The following SLC25A40 variants were observed in gnomAD, a reference collection of about 807,000 sequenced individuals.
The protein encoded by SLC25A40 is mitochondrial glutathione transporter SLC25A40.
Under a neutral mutation model 46.5 loss-of-function variants are expected in SLC25A40, and 41 were observed. The observed-to-expected ratio is 0.88, with a 90% confidence interval of 0.69 to 1.14. SLC25A40 has a LOEUF of 1.14. Ranked by LOEUF, SLC25A40 falls within the 50% of genes most tolerant of loss-of-function variation. SLC25A40 has a pLI of 0.00. For synonymous variants in SLC25A40, 126 were observed against 127.5 expected, an observed-to-expected ratio of 0.99 and a Z score of 0.08; for missense variants, 386 against 393.6, an observed-to-expected ratio of 0.98 and a Z score of 0.16.
chr7:87,871,596 C>T (rs939405076), intron 1 of SLC25A40, among the ~76,000 whole-genome samples: 11 of 152,292 alleles, frequency 7.2e-5, no homozygotes, highest in Middle Eastern at 6.8e-3. Context: ...ATGATACATA[C>T]GGTTTTTCCT....
At chr7:87,872,774 C>T (rs1838913995) in intron 1 of SLC25A40, among the ~76,000 whole-genome samples, 1 of 152,100 alleles carries the variant, frequency 6.6e-6, no homozygotes, top group Admixed American at 6.5e-5. Context: ...CCAGCCTGGC[C>T]AACACAGTGA....
At chr7:87,847,479 G>A (rs557789977) in intron 7 of SLC25A40, among the ~76,000 whole-genome samples, 2 of 152,186 alleles carry the variant, frequency 1.3e-5, no homozygotes, top group African/African-American at 4.8e-5. Flanking sequence ...CTTCTGTATA[G>A]AGTCAACGTT....
chr7:87,867,147 A>G (rs1245817968), intron 1 of SLC25A40, among the ~76,000 whole-genome samples: 1 of 152,238 alleles, frequency 6.6e-6, no homozygotes, highest in Non-Finnish European at 1.5e-5. Context: ...CTGGATAGTT[A>G]TATCTTTCTC....
chr7:87,868,377 T>G (rs898413135), intron 1 of SLC25A40, among the ~76,000 whole-genome samples: 2 of 152,176 alleles, frequency 1.3e-5, no homozygotes, highest in Non-Finnish European at 2.9e-5. Flanking sequence ...CCTACCTATA[T>G]GCAGTGGACC....
intron 10 of SLC25A40, among the ~76,000 whole-genome samples, chr7:87,837,515 G>T (rs930832153): frequency 3.3e-5 from 5 of 150,782 alleles, no homozygotes; most frequent in Admixed American, 6.6e-5. Flanking sequence ...ATAACATCTC[G>T]CTTATTTGCA....
chr7:87,834,605 A>AAAT lies in SLC25A40; in HGVS notation c.*1641_*1643dup, dbSNP rs1292299091. On this transcript the variant is annotated 3_prime_UTR_variant, in exon 12 of 12. Coordinates refer to ENST00000341119, the MANE Select transcript of SLC25A40 (RefSeq NM_018843.4). ...CATACTTATAGGTGATATTAAACTG[A>AAAT]AATATATAACTGCCTTTTGGGAACA... is the stretch of plus-strand genomic sequence containing the variant. 6.6e-6 allele frequency: 1 copy of AAAT among 151,622 alleles called. No homozygotes were observed. The highest frequency in any genetic ancestry group is 6.6e-5 in the Admixed American group (1 of 15,152). 9.4% of individuals were successfully genotyped at this position (151,622 alleles called of 1,614,324 possible). A position where few individuals can be genotyped will look rare whatever the true frequency, so the allele number is the denominator to read the frequency against.
At chr7:87,867,745 C>A (rs769702946) in intron 1 of SLC25A40, among the ~76,000 whole-genome samples, 1 of 152,186 alleles carries the variant, frequency 6.6e-6, no homozygotes, top group Admixed American at 6.5e-5. Flanking sequence ...CTTAGACACT[C>A]TTTGTAATTT....
intron 6 of SLC25A40, 38 bp from the exon 7 acceptor site, chr7:87,848,015 A>G: frequency 6.3e-7 from 1 of 1,582,460 alleles, no homozygotes; most frequent in Non-Finnish European, 8.5e-7. Flanking sequence ...CAAAATTATC[A>G]AAAGATCCCA....
chr7:87,848,957 A>G (rs1403233975), intron 6 of SLC25A40, among the ~76,000 whole-genome samples: 1 of 152,218 alleles, frequency 6.6e-6, no homozygotes, highest in Non-Finnish European at 1.5e-5. Flanking sequence ...AATTTCCTCC[A>G]TTAAAAGTAT....
chr7:87,836,675 A>C, intron 11 of SLC25A40, 55 bp downstream of exon 11: 1 of 1,172,236 alleles, frequency 8.5e-7, no homozygotes, highest in Admixed American at 2.4e-5. Flanking sequence ...TTTAGAAGGT[A>C]ATATTTTAAA....
chr7:87,851,349 G>A (rs1054872727), intron 5 of SLC25A40, among the ~76,000 whole-genome samples: 6 of 152,034 alleles, frequency 3.9e-5, no homozygotes, highest in African/African-American at 1.4e-4. Context: ...TCCCAGCTAC[G>A]GGAACCCTAG....
intron 1 of SLC25A40, among the ~76,000 whole-genome samples, chr7:87,861,530 C>A (rs1469457760): frequency 6.6e-6 from 1 of 152,052 alleles, no homozygotes; most frequent in Non-Finnish European, 1.5e-5. Flanking sequence ...CCTATGTAAA[C>A]ATATACCATA....
At chr7:87,847,190 TA>T (rs1584325996) in intron 7 of SLC25A40, 68 bp from the exon 8 acceptor site, 2 of 1,124,570 alleles carry the variant, frequency 1.8e-6, no homozygotes, top group Admixed American at 2.9e-5. Flanking sequence ...ACATATACTG[TA>T]AAAATTAATA....
Position 87,841,651 on chromosome 7 carries a change from T to C in SLC25A40, c.805A>G (p.Thr269Ala). ...VKTQKQTQLW[T>A]YESHKISMPL... The stretch of plus-strand genomic sequence containing the variant: ...AACTTACTTTTATGACTTTCATATG[T>C]CCAAAGTTGTGTCTGCTTTTGTGTT... Residue 269 changes from threonine to alanine, a missense_variant, in exon 10 of 12, where the codon ACA (threonine) becomes GCA (alanine). Coordinates refer to ENST00000341119, the MANE Select transcript of SLC25A40 (RefSeq NM_018843.4). 6.6e-7 allele frequency: 1 copy of C among 1,519,776 alleles called. No homozygotes were observed. Among genetic ancestry groups the C allele is most frequent in the Non-Finnish European group, 8.8e-7 (1 of 1,132,576 alleles). The allele number at this position is 1,519,776 out of a possible 1,614,324, so 94.1% of individuals were successfully genotyped here.
intron 3 of SLC25A40, among the ~76,000 whole-genome samples, chr7:87,857,455 G>A (rs867332925): frequency 6.6e-6 from 1 of 152,150 alleles, no homozygotes; most frequent in African/African-American, 2.4e-5. Context: ...TTGAATCTCT[G>A]TCCAGGGTTG....
chr7:87,873,890 T>C (rs1377816990), intron 1 of SLC25A40, among the ~76,000 whole-genome samples: 2 of 152,194 alleles, frequency 1.3e-5, no homozygotes, highest in Non-Finnish European at 2.9e-5. Flanking sequence ...TTGAACAAAG[T>C]TTCTCACCAT....
At chr7:87,871,128 T>A (rs1477600456) in intron 1 of SLC25A40, among the ~76,000 whole-genome samples, 1 of 152,096 alleles carries the variant, frequency 6.6e-6, no homozygotes, top group African/African-American at 2.4e-5. Flanking sequence ...CTCCCCATCA[T>A]GTGAGGGGTG....
intron 6 of SLC25A40, among the ~76,000 whole-genome samples, chr7:87,848,624 T>C (rs553598928): frequency 5.6e-4 from 85 of 152,292 alleles, no homozygotes; most frequent in African/African-American, 2.0e-3. Flanking sequence ...TAAATTATAA[T>C]TAACATCATC....
At chr7:87,855,099 C>G (rs1178323162) in intron 4 of SLC25A40, among the ~76,000 whole-genome samples, 2 of 148,698 alleles carry the variant, frequency 1.3e-5, no homozygotes, top group Non-Finnish European at 3.0e-5. Context: ...GAGGTCAAGG[C>G]TGCAGTGAGC....
Sources: gnomAD v4.1 joint callset for allele counts (sites outside exome capture counted in the v4.1 genomes callset) on GRCh38, gnomAD v4.1.1 for gene constraint, MANE v1.5 for transcripts, NCBI Gene and HGNC (gene_info 2026-07-23, HGNC 2026-07-21) for gene names.